RIMS2: variants seen among roughly 807,000 people sequenced by gnomAD.
The protein encoded by RIMS2 is regulating synaptic membrane exocytosis protein 2.
A neutral mutation model predicts 174.4 loss-of-function variants in RIMS2; 59 were observed. The ratio of observed to expected loss-of-function variants is 0.34; its 90% CI spans 0.27 to 0.42. The LOEUF is 0.42. Among genes scored for constraint, RIMS2 ranks in the 10% least tolerant of loss-of-function variants. The probability of loss-of-function intolerance (pLI) is 1.00; values close to 1 mark genes in which losing one functional copy is unlikely to be tolerated. For synonymous variants in RIMS2, 606 were observed against 572.5 expected, an observed-to-expected ratio of 1.06 and a Z score of -0.84; for missense variants, 1,620 against 1,666.3, an observed-to-expected ratio of 0.97 and a Z score of 0.48.
chr8:103,722,594 T>C (rs893100384), intron 2 of RIMS2, among the ~76,000 whole-genome samples: 5 of 152,192 alleles, frequency 3.3e-5, no homozygotes, highest in African/African-American at 9.7e-5. Context: ...CAGATGGTAA[T>C]GCAAGGCGGG....
At chr8:104,219,944 G>A (rs2099147802) in intron 19 of RIMS2, among the ~76,000 whole-genome samples, 1 of 151,994 alleles carries the variant, frequency 6.6e-6, no homozygotes, top group African/African-American at 2.4e-5. Flanking sequence ...ACTTAGAATG[G>A]AATTAAGGAA....
intron 1 of RIMS2, among the ~76,000 whole-genome samples, chr8:103,617,459 T>G (rs2095532103): frequency 6.6e-6 from 1 of 152,116 alleles, no homozygotes; most frequent in South Asian, 2.1e-4. Flanking sequence ...GGGGAAAGAT[T>G]CCATGACAAA....
chr8:103,583,466 G>C (rs760042000), intron 1 of RIMS2, among the ~76,000 whole-genome samples: 2 of 152,222 alleles, frequency 1.3e-5, no homozygotes, highest in East Asian at 3.9e-4. Context: ...ATCAATCCTG[G>C]AGAAATATAT....
chr8:103,707,669 GAC>G (rs1192238532), intron 2 of RIMS2, among the ~76,000 whole-genome samples: 1 of 152,150 alleles, frequency 6.6e-6, no homozygotes, highest in African/African-American at 2.4e-5. Flanking sequence ...GCACTGCTGT[GAC>G]CATAGCAAGT....
chr8:103,827,529 T>C (rs1465828576), intron 3 of RIMS2, among the ~76,000 whole-genome samples: 1 of 152,172 alleles, frequency 6.6e-6, no homozygotes, highest in African/African-American at 2.4e-5. Context: ...TGTTAAATAA[T>C]AGTTTTTAAA....
chr8:103,937,020 C>G (rs1445642279), intron 13 of RIMS2, among the ~76,000 whole-genome samples: 1 of 151,940 alleles, frequency 6.6e-6, no homozygotes, highest in Non-Finnish European at 1.5e-5. Context: ...ATGGCGTGAG[C>G]CCGGGAGGCA....
chr8:103,936,730 G>C lies in RIMS2; in HGVS notation c.2547+8G>C. 1 of 1,592,172 alleles carries C rather than the reference G, an allele frequency of 6.3e-7. No individual in the cohort carries two copies. Reference sequence around the variant, plus strand: ...AGTGAATTCTTAGGCGAGGTATCTGGAGTTGTTTTAAAGTTTATGCTATTC... The same window carrying C: ...AGTGAATTCTTAGGCGAGGTATCTGCAGTTGTTTTAAAGTTTATGCTATTC... On this transcript the variant is annotated splice_region_variant and intron_variant, in intron 13 of 23. Coordinates refer to ENST00000504942, the Ensembl canonical transcript of RIMS2.
chr8:103,619,602 A>G (rs910390267), intron 1 of RIMS2, among the ~76,000 whole-genome samples: 1 of 152,172 alleles, frequency 6.6e-6, no homozygotes, highest in Non-Finnish European at 1.5e-5. Flanking sequence ...GAGCAGTAAA[A>G]TAAATCAGAA....
chr8:103,828,213 G>A (rs2098803554), intron 3 of RIMS2, among the ~76,000 whole-genome samples: 1 of 152,156 alleles, frequency 6.6e-6, no homozygotes, highest in Non-Finnish European at 1.5e-5. Context: ...CATGAAATGA[G>A]TTTGGCATTT....
At chr8:104,056,403 T>TAAA (rs34404639) in intron 19 of RIMS2, among the ~76,000 whole-genome samples, 8 of 144,912 alleles carry the variant, frequency 5.5e-5, no homozygotes, top group African/African-American at 2.0e-4. Flanking sequence ...GACTCCATCT[T>TAAA]AAAAAAAAAA....
At chr8:104,230,544 G>A (rs1346144813) in intron 19 of RIMS2, among the ~76,000 whole-genome samples, 2 of 152,076 alleles carry the variant, frequency 1.3e-5, no homozygotes, top group African/African-American at 4.8e-5. Context: ...TACTCAGGAG[G>A]CTGAGGCATG....
At chr8:104,068,514 A>G (rs1220700551) in intron 19 of RIMS2, 7 of 1,421,028 alleles carry the variant, frequency 4.9e-6, no homozygotes, top group East Asian at 2.3e-5. Flanking sequence ...CTCGATAGGT[A>G]CTATGGATAT....
At chr8:104,085,217 C>G (rs1022516071) in intron 19 of RIMS2, among the ~76,000 whole-genome samples, 1 of 152,182 alleles carries the variant, frequency 6.6e-6, no homozygotes, top group African/African-American at 2.4e-5. Context: ...TTATGTAAGA[C>G]CCAAGCACTC....
intron 19 of RIMS2, among the ~76,000 whole-genome samples, chr8:104,031,071 T>C (rs968095420): frequency 5.3e-5 from 8 of 152,162 alleles, no homozygotes; most frequent in African/African-American, 1.9e-4. Context: ...GCCAAGTAAC[T>C]CATATTCAAT....
At chr8:103,786,375 T>C (rs935482696) in intron 3 of RIMS2, among the ~76,000 whole-genome samples, 4 of 152,026 alleles carry the variant, frequency 2.6e-5, no homozygotes, top group African/African-American at 7.2e-5. Context: ...GGTGTCAATT[T>C]TGGATCTTTC....
At chr8:104,146,207 A>C (rs1411784763) in intron 19 of RIMS2, among the ~76,000 whole-genome samples, 3 of 76,468 alleles carry the variant, frequency 3.9e-5, no homozygotes, top group Non-Finnish European at 8.5e-5. Flanking sequence ...CCTCTCCCAA[A>C]AAAAAAAAAA....
chr8:104,014,407 T>C, intron 18 of RIMS2, 99 bp from the exon 21 acceptor site: 1 of 613,890 alleles, frequency 1.6e-6, no homozygotes, highest in Non-Finnish European at 2.8e-6. Flanking sequence ...TAAACTTCTT[T>C]TTAAATTGTA....
intron 3 of RIMS2, among the ~76,000 whole-genome samples, chr8:103,793,944 A>C (rs138612235): frequency 0.015 from 2,212 of 152,330 alleles, 50 homozygotes; most frequent in African/African-American, 0.05. Flanking sequence ...GACATAAACA[A>C]ATGAAAGAAC....
Position 103,673,340 on chromosome 8 carries a change from C to G in RIMS2, c.177-23746C>G, listed in dbSNP as rs543742022. Among the ~76,000 whole-genome samples, 56 of 152,342 alleles carry G rather than the reference C, an allele frequency of 3.7e-4. 2 individuals are homozygous for G. The South Asian group carries it at 0.011, about 29-fold the overall frequency. The stretch of plus-strand genomic sequence containing the variant: ...CCAGGGGGGACTCTGTGTGGAAGCT[C>G]CAACCCCACATTTCTCCTCTGCACT... On this transcript the variant is annotated intron_variant, in intron 1 of 23. Coordinates refer to ENST00000504942, the Ensembl canonical transcript of RIMS2.
Sources: gnomAD v4.1 joint callset for allele counts (sites outside exome capture counted in the v4.1 genomes callset) on GRCh38, gnomAD v4.1.1 for gene constraint, MANE v1.5 for transcripts, NCBI Gene and HGNC (gene_info 2026-07-23, HGNC 2026-07-21) for gene names.